DSCAM: variants seen among roughly 807,000 people sequenced by gnomAD.
DSCAM encodes the protein cell adhesion molecule DSCAM.
A neutral mutation model predicts 217.7 loss-of-function variants in DSCAM; 47 were observed. The observed-to-expected ratio is 0.22, with a 90% CI of 0.17 to 0.28. The LOEUF is 0.28. Ranked by LOEUF, DSCAM falls within the 10% of genes least tolerant of loss-of-function variation. The pLI, the probability that DSCAM is intolerant of heterozygous loss-of-function variation, is 1.00. For missense variants in DSCAM, 2,080 were observed against 2,618.3 expected (o/e 0.79, Z 4.49); for synonymous variants, 1,056 against 1,015.3 (o/e 1.04, Z -0.76).
At position 40,022,145 on chromosome 21, in the gene DSCAM, C is replaced by G. The variant is rs948977639; in HGVS notation, c.5687-8759G>C. Among the ~76,000 whole-genome samples, 3 of 152,208 alleles carry G rather than the reference C, an allele frequency of 2.0e-5. No individual in the cohort carries two copies. The East Asian group carries it at 5.8e-4, about 29-fold the overall frequency. ...TATGGTTCTTGCTATCTCCCAGGCA[C>G]CACACTAGGGGAAAATATCTGAACA... On this transcript the variant is annotated intron_variant, in intron 32 of 32. Coordinates refer to ENST00000400454, the MANE Select transcript of DSCAM (RefSeq NM_001389.5).
At chr21:40,047,994 A>C (rs188376906) in intron 30 of DSCAM, among the ~76,000 whole-genome samples, 1 of 152,116 alleles carries the variant, frequency 6.6e-6, no homozygotes, top group Non-Finnish European at 1.5e-5. Flanking sequence ...TAGTATCTCT[A>C]CCTAAAGGCC....
At chr21:40,259,339 G>A (rs977066051) in intron 11 of DSCAM, among the ~76,000 whole-genome samples, 12 of 151,840 alleles carry the variant, frequency 7.9e-5, no homozygotes, top group African/African-American at 2.9e-4. Context: ...CTTGCCATAG[G>A]GCCTTTTCTC....
chr21:40,474,348 A>T (rs1329896034), intron 3 of DSCAM, among the ~76,000 whole-genome samples: 1 of 152,058 alleles, frequency 6.6e-6, no homozygotes, highest in Non-Finnish European at 1.5e-5. Flanking sequence ...ACAAAGGCAT[A>T]TTCAGTACTG....
chr21:40,165,845 C>T (rs1191200628), intron 16 of DSCAM, among the ~76,000 whole-genome samples: 3 of 152,242 alleles, frequency 2.0e-5, no homozygotes, highest in East Asian at 1.9e-4. Flanking sequence ...TGTAGAGTGG[C>T]GGGAATGCGT....
At chr21:40,333,513 T>G (rs924027766) in intron 8 of DSCAM, among the ~76,000 whole-genome samples, 25 of 152,120 alleles carry the variant, frequency 1.6e-4, no homozygotes, top group African/African-American at 5.6e-4. Context: ...TACAGGTGTG[T>G]GCCACCATGC....
chr21:40,346,899 A>G (rs887534442), intron 6 of DSCAM, among the ~76,000 whole-genome samples: 1 of 151,982 alleles, frequency 6.6e-6, no homozygotes, highest in Non-Finnish European at 1.5e-5. Context: ...CCCCCACCCC[A>G]CCCAGCAAAC....
chr21:40,153,872 A>G (rs979820907), intron 16 of DSCAM, among the ~76,000 whole-genome samples: 4 of 152,128 alleles, frequency 2.6e-5, no homozygotes, highest in African/African-American at 9.7e-5. Flanking sequence ...AGCAGCAACT[A>G]TGCATTCCCC....
chr21:40,322,155 G>A (rs557649960), intron 8 of DSCAM, among the ~76,000 whole-genome samples: 2 of 152,112 alleles, frequency 1.3e-5, no homozygotes, highest in East Asian at 1.9e-4. Flanking sequence ...GTTCTCCTGC[G>A]CCAGGTGTCA....
intron 3 of DSCAM, among the ~76,000 whole-genome samples, chr21:40,379,698 T>C (rs1345248830): frequency 6.6e-6 from 1 of 152,186 alleles, no homozygotes; most frequent in East Asian, 1.9e-4. Flanking sequence ...GATCCTCTTG[T>C]TTGCCCCACT....
intron 11 of DSCAM, among the ~76,000 whole-genome samples, chr21:40,266,801 C>CATATATATATATATAT (rs3069878): frequency 9.2e-6 from 1 of 108,708 alleles, no homozygotes; most frequent in African/African-American, 3.5e-5. Context: ...TATATATATA[C>CATATATATATATATAT]ACACACACAC....
chr21:40,807,160 G>A (rs2091795845), intron 1 of DSCAM, among the ~76,000 whole-genome samples: 2 of 152,110 alleles, frequency 1.3e-5, no homozygotes, highest in South Asian at 4.1e-4. Context: ...TTTCATAGGA[G>A]AAACGTAATA....
At chr21:40,683,397 AAGAG>A (rs1293860302) in intron 3 of DSCAM, among the ~76,000 whole-genome samples, 1 of 152,154 alleles carries the variant, frequency 6.6e-6, no homozygotes, top group Non-Finnish European at 1.5e-5. Context: ...TGCCAGAAGA[AAGAG>A]AAAGAATGAA....
chr21:40,692,701 C>T (rs538115545), intron 3 of DSCAM, 109 bp downstream of exon 3: 2 of 1,333,146 alleles, frequency 1.5e-6, no homozygotes, highest in South Asian at 1.5e-5. Flanking sequence ...CTTAAGAATA[C>T]TAATTCTGAA....
At chr21:40,179,326 G>A (rs915595462) in intron 14 of DSCAM, among the ~76,000 whole-genome samples, 20 of 152,146 alleles carry the variant, frequency 1.3e-4, no homozygotes, top group Admixed American at 9.8e-4. Flanking sequence ...TTCACGCTGC[G>A]AGGGACATGG....
intron 21 of DSCAM, among the ~76,000 whole-genome samples, chr21:40,089,619 G>T (rs1007851719): frequency 6.6e-6 from 1 of 152,082 alleles, no homozygotes; most frequent in Non-Finnish European, 1.5e-5. Context: ...ACTGCTGCTG[G>T]TCTGCCTTGA....
At chr21:40,683,565 C>G (rs1601847431) in intron 3 of DSCAM, among the ~76,000 whole-genome samples, 2 of 152,092 alleles carry the variant, frequency 1.3e-5, no homozygotes, top group Non-Finnish European at 2.9e-5. Flanking sequence ...ACGGTAATTA[C>G]TAAAGAGAAG....
chr21:40,329,434 C>A (rs965847427), intron 8 of DSCAM, among the ~76,000 whole-genome samples: 1 of 151,844 alleles, frequency 6.6e-6, no homozygotes, highest in Non-Finnish European at 1.5e-5. Context: ...GTCAATATGG[C>A]GAAGGCTTGT....
chr21:40,395,296 T>C (rs931883921), intron 3 of DSCAM, among the ~76,000 whole-genome samples: 1 of 152,032 alleles, frequency 6.6e-6, no homozygotes, highest in African/African-American at 2.4e-5. Context: ...ACAAGAAATT[T>C]CTGCCTTCAA....
intron 3 of DSCAM, among the ~76,000 whole-genome samples, chr21:40,574,893 C>T (rs2076836655): frequency 6.6e-6 from 1 of 151,982 alleles, no homozygotes. Flanking sequence ...ATTTTTAAGA[C>T]TGCAATAAAA....
Sources: gnomAD v4.1 joint callset for allele counts (sites outside exome capture counted in the v4.1 genomes callset) on GRCh38, gnomAD v4.1.1 for gene constraint, MANE v1.5 for transcripts, NCBI Gene and HGNC (gene_info 2026-07-23, HGNC 2026-07-21) for gene names.